GSK3B: variants seen among roughly 807,000 people sequenced by gnomAD.
GSK3B encodes glycogen synthase kinase 3 beta.
A neutral mutation model predicts 56.4 loss-of-function variants in GSK3B; 15 were observed. The observed-to-expected ratio is 0.27, with a 90% CI of 0.18 to 0.41. GSK3B has a LOEUF of 0.41. Ranked by LOEUF, GSK3B falls within the 10% of genes least tolerant of loss-of-function variation. The probability of loss-of-function intolerance (pLI) is 1.00; values close to 1 mark genes in which losing one functional copy is unlikely to be tolerated. For synonymous variants in GSK3B, 181 were observed against 188.9 expected, an observed-to-expected ratio of 0.96 and a Z score of 0.34; for missense variants, 300 against 513.4, an observed-to-expected ratio of 0.58 and a Z score of 4.02.
At chr3:120,063,490 G>A (rs2058254602) in intron 1 of GSK3B, among the ~76,000 whole-genome samples, 1 of 152,152 alleles carries the variant, frequency 6.6e-6, no homozygotes, top group South Asian at 2.1e-4. Flanking sequence ...ACTTTGGGAA[G>A]CCAAGGTGGG....
At chr3:119,977,637 T>C (rs968482755) in intron 2 of GSK3B, among the ~76,000 whole-genome samples, 4 of 152,194 alleles carry the variant, frequency 2.6e-5, no homozygotes, top group Admixed American at 2.6e-4. Flanking sequence ...AGCACAAAGA[T>C]TACTATTTCT....
intron 3 of GSK3B, among the ~76,000 whole-genome samples, chr3:119,927,576 G>C (rs1029040963): frequency 2.0e-5 from 3 of 152,172 alleles, no homozygotes; most frequent in Non-Finnish European, 4.4e-5. Flanking sequence ...CAGTAGAAAG[G>C]TTTGAAGGAA....
chr3:120,024,367 C>T (rs1438312779), intron 1 of GSK3B, among the ~76,000 whole-genome samples: 2 of 152,122 alleles, frequency 1.3e-5, no homozygotes, highest in Non-Finnish European at 2.9e-5. Context: ...AAAACAATTC[C>T]AGATTCATGG....
chr3:120,069,237 T>G (rs2058306657), intron 1 of GSK3B, among the ~76,000 whole-genome samples: 1 of 152,204 alleles, frequency 6.6e-6, no homozygotes, highest in African/African-American at 2.4e-5. Context: ...TATCTGATAT[T>G]CTTAGAGGTC....
chr3:119,935,005 C>G (rs752312679), intron 3 of GSK3B, among the ~76,000 whole-genome samples: 1 of 151,956 alleles, frequency 6.6e-6, no homozygotes, highest in African/African-American at 2.4e-5. Flanking sequence ...AACTGATATT[C>G]AAAAGAAACT....
At chr3:120,080,753 C>A (rs2058412250) in intron 1 of GSK3B, among the ~76,000 whole-genome samples, 1 of 151,884 alleles carries the variant, frequency 6.6e-6, no homozygotes, top group African/African-American at 2.4e-5. Flanking sequence ...ATTGCTTGAA[C>A]CTGGGAGGCA....
chr3:120,019,850 T>C (rs527469697), intron 1 of GSK3B, among the ~76,000 whole-genome samples: 1 of 152,348 alleles, frequency 6.6e-6, no homozygotes, highest in South Asian at 2.1e-4. Context: ...ACTACTATTC[T>C]TGCCATATTA....
At position 119,823,276 on chromosome 3, in the gene GSK3B, T is replaced by G; in HGVS notation, c.*3512A>C. The G allele has an allele frequency of 4.6e-6, 1 of 217,570 alleles. No individual in the cohort carries two copies. Among genetic ancestry groups the G allele is most frequent in the African/African-American group, 2.2e-5 (1 of 44,594 alleles). The allele number at this position is 217,570 out of a possible 1,614,324, so 13.5% of individuals were successfully genotyped here. On this transcript the variant is annotated 3_prime_UTR_variant, in exon 11 of 11. Coordinates refer to ENST00000264235, the MANE Select transcript of GSK3B (RefSeq NM_001146156.2). Reference sequence around the variant, plus strand: ...TAAACTGATTTTTTTTAAAAGAAATTAAAATGATATTTCATTGAGCAAGGG... The same window carrying G: ...TAAACTGATTTTTTTTAAAAGAAATGAAAATGATATTTCATTGAGCAAGGG...
intron 2 of GSK3B, among the ~76,000 whole-genome samples, chr3:119,985,950 G>T (rs180725233): frequency 6.6e-6 from 1 of 152,326 alleles, no homozygotes; most frequent in East Asian, 1.9e-4. Context: ...CAAGGCTACA[G>T]TCACCAAAAC....
intron 5 of GSK3B, among the ~76,000 whole-genome samples, chr3:119,915,395 A>G (rs1046455230): frequency 1.1e-4 from 17 of 152,118 alleles, no homozygotes; most frequent in African/African-American, 4.1e-4. Context: ...ACCTAATGTA[A>G]ATTCAAACAA....
chr3:119,826,304 C>G lies in GSK3B; in HGVS notation c.*484G>C. On this transcript the variant is annotated 3_prime_UTR_variant, in exon 11 of 11. Transcript: ENST00000264235. Reference sequence around the variant, plus strand: ...AATTTTACAAGTGACATTTAAGTCCCCGTTGAGTTATACCTGCTAAGCTCC... The same window carrying G: ...AATTTTACAAGTGACATTTAAGTCCGCGTTGAGTTATACCTGCTAAGCTCC... The G allele has an allele frequency of 3.4e-6, 1 of 291,982 alleles. No homozygotes were observed. Among genetic ancestry groups the G allele is most frequent in the South Asian group, 6.2e-5 (1 of 16,206 alleles). The allele number at this position is 291,982 out of a possible 1,614,324, so 18.1% of individuals were successfully genotyped here.
rs540293180 is a variant in GSK3B, at chr3:120,080,745, T to C, written c.88+12602A>G. Among the ~76,000 whole-genome samples the C allele has an allele frequency of 1.1e-4, 17 of 151,798 alleles. No individual in the cohort carries two copies. In the East Asian group the frequency reaches 3.1e-3, roughly 28 times the overall value. The stretch of plus-strand genomic sequence containing the variant: ...ACTCGGGAGGCTGAAGCATGAGAAT[T>C]GCTTGAACCTGGGAGGCAGAGATTG... On this transcript the variant is annotated intron_variant, in intron 1 of 10. Transcript: ENST00000264235.
chr3:120,085,007 C>T (rs1049776071), intron 1 of GSK3B, among the ~76,000 whole-genome samples: 1 of 152,066 alleles, frequency 6.6e-6, no homozygotes, highest in South Asian at 2.1e-4. Flanking sequence ...ATTCAGAATA[C>T]CTATGAAAGG....
intron 1 of GSK3B, among the ~76,000 whole-genome samples, chr3:120,058,870 C>T (rs1027136599): frequency 6.6e-5 from 10 of 151,968 alleles, no homozygotes; most frequent in Non-Finnish European, 1.5e-5. Flanking sequence ...ATTAGCCGGG[C>T]ATGGCAGCAT....
intron 8 of GSK3B, chr3:119,866,460 A>T: frequency 1.4e-6 from 1 of 733,026 alleles, no homozygotes; most frequent in South Asian, 1.6e-5. Context: ...TAAAAACAGA[A>T]ATCACAGCTA....
intron 1 of GSK3B, among the ~76,000 whole-genome samples, chr3:120,025,447 T>C (rs1026004144): frequency 2.0e-5 from 3 of 151,514 alleles, no homozygotes; most frequent in Non-Finnish European, 2.9e-5. Context: ...AGAAAGGAAA[T>C]CATAATAGTG....
chr3:119,907,854 A>G (rs2056698437), intron 6 of GSK3B, among the ~76,000 whole-genome samples: 1 of 152,192 alleles, frequency 6.6e-6, no homozygotes, highest in Non-Finnish European at 1.5e-5. Flanking sequence ...ACTCTCTTGA[A>G]TAACTGTCTC....
At chr3:119,969,475 C>T (rs28790367) in intron 2 of GSK3B, among the ~76,000 whole-genome samples, 1,547 of 152,254 alleles carry the variant, frequency 0.01, 17 homozygotes, top group African/African-American at 0.035. Context: ...CAGCAAGTTA[C>T]ATTGCAGATA....
At chr3:120,072,603 T>C (rs2058335918) in intron 1 of GSK3B, among the ~76,000 whole-genome samples, 1 of 152,146 alleles carries the variant, frequency 6.6e-6, no homozygotes, top group Non-Finnish European at 1.5e-5. Flanking sequence ...AATAATTATC[T>C]TCAAACACTA....
Sources: allele counts gnomAD v4.1 joint callset (sites outside exome capture counted in the v4.1 genomes callset), GRCh38; gene constraint gnomAD v4.1.1; transcripts MANE v1.5; gene names NCBI Gene and HGNC (gene_info 2026-07-23, HGNC 2026-07-21).